FAM13B: variants seen among roughly 807,000 people sequenced by gnomAD.
The protein encoded by FAM13B is family with sequence similarity 13 member B.
In FAM13B, 60 loss-of-function variants were observed where a neutral mutation model predicts 117.3. The ratio of observed to expected loss-of-function variants is 0.51; its 90% CI spans 0.42 to 0.63. The LOEUF is 0.63. Among genes scored for constraint, FAM13B ranks in the 30% least tolerant of loss-of-function variants. FAM13B has a pLI of 0.00. For missense variants in FAM13B, 972 were observed against 1,091.9 expected (o/e 0.89, Z 1.55); for synonymous variants, 332 against 356.1 (o/e 0.93, Z 0.76).
intron 7 of FAM13B, among the ~76,000 whole-genome samples, chr5:137,998,159 A>C (rs908678070): frequency 2.0e-5 from 3 of 152,210 alleles, no homozygotes; most frequent in Admixed American, 6.5e-5. Context: ...CTGCTGCCTG[A>C]TTCATGAATC....
At chr5:137,983,176 T>A (rs1776248752) in intron 10 of FAM13B, among the ~76,000 whole-genome samples, 2 of 75,118 alleles carry the variant, frequency 2.7e-5, no homozygotes, top group Admixed American at 1.6e-4. Context: ...CCAGTGTAGG[T>A]AAAAAAAAAA....
Position 138,011,834 on chromosome 5 carries a change from G to A in FAM13B, c.482C>T (p.Ala161Val). 3 of 1,610,366 alleles carry A rather than the reference G, an allele frequency of 1.9e-6. No individual in the cohort carries two copies. The highest frequency in any genetic ancestry group is 2.2e-5 in the South Asian group (2 of 90,502). The change falls in exon 5 of 24, where the codon GCA becomes GTA. Residue 161 changes from alanine (A) to valine (V), a missense_variant. Physicochemically the swap from Ala to Val is moderately conservative, Grantham distance 64. Coordinates refer to ENST00000689681, the MANE Select transcript of FAM13B (RefSeq NM_001385994.1). ...GGACCAAATTTCTTCATGATGTGAT[G>A]CTACATTGGCTAAAAATCTACACAG... ...KFLCRFLANV[A>V]SHHEEIWSAN...
chr5:138,019,068 A>T lies in FAM13B; in HGVS notation c.44T>A (p.Val15Asp). The change falls in exon 3 of 24, where the codon GTT (valine) becomes GAT (aspartate). Residue 15 changes from valine (V) to aspartate (D), a missense_variant. Transcript: ENST00000689681. Reference protein sequence around the residue: ...SSPSLSNCNSVLANKIFGIPL... With the variant: ...SSPSLSNCNSDLANKIFGIPL... ...AATTCCAAATATTTTGTTAGCAAGA[A>T]CGGAGTTGCAGTTACTCAAGGAAGG... is the stretch of plus-strand genomic sequence containing the variant. The T allele has an allele frequency of 5.6e-6, 9 of 1,614,144 alleles. No individual in the cohort carries two copies. Among genetic ancestry groups the T allele is most frequent in the Non-Finnish European group, 6.8e-6 (8 of 1,180,004 alleles).
intron 10 of FAM13B, among the ~76,000 whole-genome samples, chr5:137,973,226 A>AATCAAAACAGCATGGTACTGGT (rs1376237043): frequency 1.3e-5 from 2 of 152,234 alleles, no homozygotes; most frequent in Non-Finnish European, 2.9e-5. Context: ...AGGCTACAGT[A>AATCAAAACAGCATGGTACTGGT]ATCAAAACAG....
chr5:138,032,668 C>A (rs990045019), intron 1 of FAM13B, 114 bp downstream of exon 1: 2 of 953,550 alleles, frequency 2.1e-6, no homozygotes, highest in African/African-American at 1.8e-5. Flanking sequence ...CGAAACGCAA[C>A]GCCCGAGAGC....
At chr5:138,006,658 G>C (rs1386032501) in intron 7 of FAM13B, among the ~76,000 whole-genome samples, 1 of 152,202 alleles carries the variant, frequency 6.6e-6, no homozygotes, top group Non-Finnish European at 1.5e-5. Flanking sequence ...CTGGAAACGG[G>C]ATATACAAGT....
intron 4 of FAM13B, among the ~76,000 whole-genome samples, chr5:138,012,216 CTTTTTTTTTT>C (rs36054299): frequency 9.0e-5 from 11 of 121,758 alleles, no homozygotes; most frequent in African/African-American, 2.1e-4. Flanking sequence ...CCCCAATTCT[CTTTTTTTTTT>C]TTTTTTTTTT....
chr5:137,951,272 A>C (rs2150200271), intron 17 of FAM13B, among the ~76,000 whole-genome samples: 1 of 151,966 alleles, frequency 6.6e-6, no homozygotes, highest in South Asian at 2.1e-4. Flanking sequence ...AACCACAAGA[A>C]TATAAACTCC....
At chr5:137,952,565 TCA>T (rs1765331892) in intron 17 of FAM13B, 61 bp downstream of exon 17, 3 of 1,000,014 alleles carry the variant, frequency 3.0e-6, no homozygotes, top group Non-Finnish European at 4.5e-6. Context: ...TTTGTGATTC[TCA>T]GACATTAATA....
chr5:137,984,878 C>T (rs1270764552), intron 10 of FAM13B, among the ~76,000 whole-genome samples: 4 of 151,876 alleles, frequency 2.6e-5, no homozygotes, highest in African/African-American at 9.7e-5. Flanking sequence ...ATGCCTTTCT[C>T]CTGCCTCAGC....
chr5:138,051,939 C>T (rs559414306), exon 1 of FAM13B: 1 of 152,132 alleles, frequency 6.6e-6, no homozygotes, highest in East Asian at 1.9e-4. Context: ...TTTTTACCAC[C>T]CTCTTCTTCC....
chr5:137,982,260 A>G (rs1775978062), intron 10 of FAM13B, among the ~76,000 whole-genome samples: 1 of 152,184 alleles, frequency 6.6e-6, no homozygotes, highest in Non-Finnish European at 1.5e-5. Context: ...GAAGTAAGTC[A>G]TAAAACCTTT....
chr5:137,985,315 T>C lies in FAM13B; in HGVS notation c.1121A>G (p.Asn374Ser), dbSNP rs1448172271. The change falls in exon 10 of 24, where the codon AAT becomes AGT. Residue 374 changes from asparagine (N) to serine (S), a missense_variant. Coordinates refer to ENST00000689681, the MANE Select transcript of FAM13B (RefSeq NM_001385994.1). The part of the protein sequence containing the change: ...RDCSKPVAST[N>S]LDNEAMQQDC... The stretch of plus-strand genomic sequence containing the variant: ...TTGCTGCATAGCTTCATTGTCTAAA[T>C]TAGTGCTAGCCACAGGTTTTGAACA... The C allele has an allele frequency of 1.4e-5, 23 of 1,613,996 alleles. No individual in the cohort carries two copies. Among genetic ancestry groups the C allele is most frequent in the Non-Finnish European group, 1.8e-5 (21 of 1,179,962 alleles).
chr5:138,028,275 T>C (rs944199443), intron 1 of FAM13B, among the ~76,000 whole-genome samples: 3 of 152,228 alleles, frequency 2.0e-5, no homozygotes, highest in African/African-American at 7.2e-5. Context: ...AATATTAATA[T>C]ACCTTTTCTC....
rs570418229 is a variant in FAM13B at position 138,026,510 on chromosome 5, C to T, written c.-202-5313G>A. 2.2e-3 allele frequency among the ~76,000 whole-genome samples: 324 copies of T among 150,440 alleles called. 3 individuals carry two copies. Among genetic ancestry groups the T allele is most frequent in the African/African-American group, 7.5e-3 (306 of 40,870 alleles). Reference sequence around the variant, plus strand: ...GGCATGATGTCATGCGCCTGCAGTCCCAGCTACTCGGGAGGCTGAGGTGGA... The same window carrying T: ...GGCATGATGTCATGCGCCTGCAGTCTCAGCTACTCGGGAGGCTGAGGTGGA... On this transcript the variant is annotated intron_variant, in intron 1 of 23. Coordinates refer to ENST00000689681, the MANE Select transcript of FAM13B (RefSeq NM_001385994.1).
At chr5:137,993,618 T>TA (rs994836890) in intron 7 of FAM13B, among the ~76,000 whole-genome samples, 26 of 149,242 alleles carry the variant, frequency 1.7e-4, no homozygotes, top group East Asian at 9.8e-4. Flanking sequence ...TCGTATCTAC[T>TA]AAAAAAAAAT....
chr5:138,007,611 T>C (rs1463897112), intron 6 of FAM13B, among the ~76,000 whole-genome samples: 1 of 152,216 alleles, frequency 6.6e-6, no homozygotes, highest in Non-Finnish European at 1.5e-5. Context: ...AGCTACATTT[T>C]AGAAAATGTC....
intron 10 of FAM13B, among the ~76,000 whole-genome samples, chr5:137,982,411 G>C (rs955408628): frequency 6.6e-6 from 1 of 152,052 alleles, no homozygotes; most frequent in Non-Finnish European, 1.5e-5. Flanking sequence ...AAAATTAGCC[G>C]GGCATGGTGG....
At chr5:137,970,802 G>A (rs1771872816) in intron 10 of FAM13B, among the ~76,000 whole-genome samples, 1 of 151,964 alleles carries the variant, frequency 6.6e-6, no homozygotes, top group Admixed American at 6.6e-5. Flanking sequence ...AAAGGCAGGG[G>A]TTGCAATCCT....
Sources: gnomAD v4.1 joint callset for allele counts (sites outside exome capture counted in the v4.1 genomes callset) on GRCh38, gnomAD v4.1.1 for gene constraint, MANE v1.5 for transcripts, NCBI Gene and HGNC (gene_info 2026-07-23, HGNC 2026-07-21) for gene names.